The following COL20A1 variants were observed in gnomAD, a reference collection of about 807,000 sequenced individuals.
COL20A1 encodes the protein collagen type XX alpha 1 chain, also known as collagen alpha-1(XX) chain.
COL20A1 carries 164 observed loss-of-function variants against 152.9 expected under a neutral mutation model. The ratio of observed to expected loss-of-function variants is 1.07; its 90% CI spans 0.94 to 1.22. COL20A1 has a LOEUF of 1.22. COL20A1 is among the 50% of genes most tolerant of loss of function. The pLI is 0.00. For synonymous variants in COL20A1, 864 were observed against 756.0 expected (o/e 1.14, Z -2.34); for missense variants, 1,873 against 1,744.8 (o/e 1.07, Z -1.31).
Position 63,314,158 on chromosome 20 carries a change from T to A in COL20A1, c.2445T>A (p.Tyr815Ter), listed in dbSNP as rs767330623. The change falls in exon 19 of 36, where the codon TAT becomes TAA. Residue 815 changes from tyrosine (Y) to a stop codon, truncating the protein, a stop_gained. Coordinates refer to ENST00000358894, the MANE Select transcript of COL20A1 (RefSeq NM_020882.4). LOFTEE classifies it high-confidence loss of function. Reference protein sequence around the residue: ...TKYRVLVSAIYAAGRSEAVSA... With the variant: ...TKYRVLVSAI ...ACAGGGTCCTGGTCTCAGCTATCTA[T>A]GCAGCAGGCAGGAGTGAGGCTGTGT... 2 of 1,591,700 alleles carry A rather than the reference T, an allele frequency of 1.3e-6. No individual in the cohort carries two copies. Among genetic ancestry groups the A allele is most frequent in the Non-Finnish European group, 1.7e-6 (2 of 1,169,602 alleles).
chr20:63,304,259 C>G (rs1238359590), intron 3 of COL20A1, among the ~76,000 whole-genome samples: 1 of 97,366 alleles, frequency 1.0e-5, no homozygotes, highest in Non-Finnish European at 2.1e-5. Flanking sequence ...CTTCCTCCCT[C>G]CAGGTGCGCA....
At chr20:63,298,583 C>T (rs2067828600) in intron 3 of COL20A1, among the ~76,000 whole-genome samples, 1 of 149,116 alleles carries the variant, frequency 6.7e-6, no homozygotes, top group Non-Finnish European at 1.5e-5. Context: ...CCACCATGCC[C>T]GGTCCATATT....
At position 63,306,145 on chromosome 20, in the gene COL20A1, C is replaced by G; in HGVS notation, c.496+106C>G. 2 of 1,012,216 alleles carry G rather than the reference C, an allele frequency of 2.0e-6. No homozygotes were observed. Among genetic ancestry groups the G allele is most frequent in the Middle Eastern group, 4.5e-4 (2 of 4,480 alleles). The allele number at this position is 1,012,216 out of a possible 1,614,324, so 62.7% of individuals were successfully genotyped here. A position where few individuals can be genotyped will look rare whatever the true frequency, so the allele number is the denominator to read the frequency against. On this transcript the variant is annotated intron_variant, in intron 5 of 35. Transcript: ENST00000358894. The surrounding 1 kb of genome is among the most constrained non-coding windows in gnomAD (Gnocchi z 6.9). ...AAGTTCTTCCTCGTGTCTGACCACA[C>G]GGTCTCTGACCACGAGGCCAGGAAG...
chr20:63,323,064 C>T (rs2068189841), intron 27 of COL20A1, among the ~76,000 whole-genome samples: 1 of 152,272 alleles, frequency 6.6e-6, no homozygotes, highest in Non-Finnish European at 1.5e-5. Flanking sequence ...GCGGTGACCT[C>T]CCACCCCCAT....
In COL20A1 at chr20:63,308,850, C is replaced by T. The variant is rs61732626; in HGVS notation, c.940+144C>T. ...CGGAGCTGCACGCAGAGCCAGGCACCGCCTGGCACTCAGAGGCGATGGCAC... is the reference window on the plus strand; with the variant it reads ...CGGAGCTGCACGCAGAGCCAGGCACTGCCTGGCACTCAGAGGCGATGGCAC... On this transcript the variant is annotated intron_variant, in intron 8 of 35. Transcript: ENST00000358894. The T allele has an allele frequency of 1.1e-3, 881 of 769,536 alleles. 7 individuals are homozygous for T. The African/African-American group carries it at 0.014, about 12-fold the overall frequency. 47.7% of individuals were successfully genotyped at this position (769,536 alleles called of 1,614,324 possible).
intron 3 of COL20A1, among the ~76,000 whole-genome samples, chr20:63,304,854 G>A (rs1568767334): frequency 6.6e-6 from 1 of 152,246 alleles, no homozygotes; most frequent in Non-Finnish European, 1.5e-5. Flanking sequence ...CCTCCTGAGT[G>A]CTCTTTCAAG....
chr20:63,298,966 C>T (rs879741526), intron 3 of COL20A1, among the ~76,000 whole-genome samples: 1 of 152,232 alleles, frequency 6.6e-6, no homozygotes, highest in Non-Finnish European at 1.5e-5. Context: ...CCTGGACGGC[C>T]GCCTCCAACA....
At chr20:63,318,954 T>G (rs1031610129) in intron 21 of COL20A1, 104 bp from the exon 22 acceptor site, 1 of 889,998 alleles carries the variant, frequency 1.1e-6, no homozygotes, top group African/African-American at 1.6e-5. Context: ...CAGAGCAGCC[T>G]CAGGGACTGG....
chr20:63,326,301 G>A (rs1187152552), intron 30 of COL20A1, among the ~76,000 whole-genome samples, 152 bp downstream of exon 30: 1 of 152,148 alleles, frequency 6.6e-6, no homozygotes, highest in Non-Finnish European at 1.5e-5. Flanking sequence ...TTTCTGCAGG[G>A]CCCTGTGGGT....
chr20:63,312,972 CG>C, intron 16 of COL20A1, 38 bp downstream of exon 16: 1 of 1,527,128 alleles, frequency 6.5e-7, no homozygotes, highest in East Asian at 2.5e-5. Flanking sequence ...AGGGGCCCCC[CG>C]TGGGCCCCTA....
Position 63,321,941 on chromosome 20 carries a change from G to A in COL20A1, c.3241-117G>A, listed in dbSNP as rs146598154. ...CCCCTTGACAGCAGTGGACAGTCTG[G>A]GGCTGGGTGGGGCATGGGGCTCAGG... On this transcript the variant is annotated intron_variant, in intron 26 of 35. Coordinates refer to ENST00000358894, the MANE Select transcript of COL20A1 (RefSeq NM_020882.4). The A allele has an allele frequency of 6.4e-4, 478 of 745,326 alleles. 2 individuals are homozygous for A. Among genetic ancestry groups the A allele is most frequent in the African/African-American group, 5.1e-3 (274 of 54,084 alleles). The allele number at this position is 745,326 out of a possible 1,614,324, so 46.2% of individuals were successfully genotyped here. A position where few individuals can be genotyped will look rare whatever the true frequency, so the allele number is the denominator to read the frequency against.
chr20:63,310,791 C>G (rs573819279), intron 11 of COL20A1, among the ~76,000 whole-genome samples: 17 of 152,244 alleles, frequency 1.1e-4, no homozygotes, highest in African/African-American at 3.6e-4. Flanking sequence ...GGAGCTCCCC[C>G]CTGCTTGGCC....
rs142417707 is a variant in COL20A1 at position 63,300,459 on chromosome 20, A to C, written c.193+2439A>C. ...GTTTTGGTAAGTTAGTTTTTTAAAC[A>C]GGAATTTGTATTTTATATAAATTTC... On this transcript the variant is annotated intron_variant, in intron 3 of 35. Transcript: ENST00000358894. Among the ~76,000 whole-genome samples the C allele has an allele frequency of 1.6e-4, 25 of 152,328 alleles. No individual in the cohort carries two copies. In the East Asian group the frequency reaches 4.6e-3, roughly 28 times the overall value.
rs775826443 is a variant in COL20A1, at chr20:63,319,102, TC to T, written c.2710del (p.Val905CysfsTer17). 1.8e-4 allele frequency: 289 copies of T among 1,612,780 alleles called. No homozygotes were observed. The highest frequency in any genetic ancestry group is 2.3e-4 in the Non-Finnish European group (270 of 1,179,432). On this transcript the variant is annotated frameshift_variant, in exon 22 of 36. Transcript: ENST00000358894. LOFTEE classifies it high-confidence loss of function. This position sits in a 1 kb window ranked among gnomAD's most constrained non-coding sequence, Gnocchi z 4.4. ...CTACCTCCAGAGCACACCATCGTCT[TC>T]CTTGTGCGCCTACTTCCCGAGACAC... Reference protein sequence around the residue: ...APLPPEHTIVFLVRLLPETPR... With the variant: ...APLPPEHTIVXLVRLLPETPR...
chr20:63,317,362 A>G (rs1164702307), intron 21 of COL20A1, among the ~76,000 whole-genome samples: 1 of 149,478 alleles, frequency 6.7e-6, no homozygotes, highest in Non-Finnish European at 1.5e-5. Context: ...GCTACTCGGG[A>G]GGCTGAGGTG....
chr20:63,314,772 C>T (rs1203950777), intron 19 of COL20A1, among the ~76,000 whole-genome samples: 5 of 152,076 alleles, frequency 3.3e-5, no homozygotes, highest in Non-Finnish European at 7.4e-5. Context: ...CACGCATGCC[C>T]CCAGCCTGCC....
At chr20:63,312,093 G>A (rs770512678) in intron 14 of COL20A1, 38 bp downstream of exon 14, 1 of 1,516,708 alleles carries the variant, frequency 6.6e-7, no homozygotes, top group Non-Finnish European at 8.8e-7. Context: ...AGTGTCTTGA[G>A]GGACCACAGG....
chr20:63,307,705 G>A, intron 6 of COL20A1, 57 bp downstream of exon 6: 1 of 1,558,820 alleles, frequency 6.4e-7, no homozygotes, highest in Non-Finnish European at 8.7e-7. Context: ...CCACAGCTCT[G>A]CCAGAGGAGG....
intron 3 of COL20A1, among the ~76,000 whole-genome samples, chr20:63,303,199 A>G (rs1187097874): frequency 2.0e-5 from 3 of 152,144 alleles, no homozygotes; most frequent in African/African-American, 7.2e-5. Context: ...ACATCACAAT[A>G]ATATTTATCC....
Sources: allele counts gnomAD v4.1 joint callset (sites outside exome capture counted in the v4.1 genomes callset), GRCh38; gene constraint gnomAD v4.1.1; non-coding constraint Gnocchi (gnomAD v3.1); transcripts MANE v1.5; gene names NCBI Gene and HGNC (gene_info 2026-07-23, HGNC 2026-07-21).